ANK1: variants seen among roughly 807,000 people sequenced by gnomAD.
The protein encoded by ANK1 is ankyrin-1.
In ANK1, 51 loss-of-function variants were observed where a neutral mutation model predicts 210.4. The observed-to-expected ratio is 0.24, with a 90% CI of 0.19 to 0.31. ANK1 has a LOEUF of 0.31. Ranked by LOEUF, ANK1 falls within the 10% of genes least tolerant of loss-of-function variation. ANK1 has a pLI of 1.00. For missense variants in ANK1, 2,051 were observed against 2,504.4 expected (o/e 0.82, Z 3.86); for synonymous variants, 967 against 1,025.9 (o/e 0.94, Z 1.10).
At chr8:41,841,360 T>C (rs1241279035) in intron 1 of ANK1, among the ~76,000 whole-genome samples, 1 of 152,092 alleles carries the variant, frequency 6.6e-6, no homozygotes, top group Non-Finnish European at 1.5e-5. Context: ...GAGACTAGAA[T>C]GGTGGTTGCC....
intron 3 of ANK1, among the ~76,000 whole-genome samples, chr8:41,733,455 A>C (rs150005612): frequency 9.6e-4 from 147 of 152,356 alleles, no homozygotes; most frequent in African/African-American, 3.4e-3. Flanking sequence ...CAATAAATGC[A>C]TCCAATAAGT....
intron 39 of ANK1, 130 bp downstream of exon 39, chr8:41,668,137 C>A (rs556936452): frequency 2.2e-6 from 3 of 1,336,936 alleles, no homozygotes; most frequent in Non-Finnish European, 3.2e-6. Context: ...AACGGAAGCA[C>A]CACCACAAGT....
In ANK1 at chr8:41,715,725, G is replaced by A. The variant is rs886662059; in HGVS notation, c.1529C>T (p.Ala510Val). The A allele has an allele frequency of 1.6e-5, 26 of 1,614,122 alleles. No homozygotes were observed. Among genetic ancestry groups the A allele is most frequent in the Middle Eastern group, 3.3e-4 (2 of 6,066 alleles). The stretch of plus-strand genomic sequence containing the variant: ...TGTTTCCACATGGCCCTCACGGGCT[G>A]CAATGTGCAGGGGGGTGTGCCCGGC... ...TTAGHTPLHIAAREGHVETVL... is the reference protein window; with the variant it reads ...TTAGHTPLHIVAREGHVETVL... The change falls in exon 14 of 43, where the codon GCA becomes GTA. Residue 510 changes from alanine (A) to valine (V), a missense_variant. Ala to Val is a moderately conservative substitution (Grantham distance 64). Around this residue, in one of 6 missense-constraint regions of ANK1, gnomAD observed 1,413 missense variants for 1,707.4 expected, o/e 0.83. Coordinates refer to ENST00000289734, the MANE Select transcript of ANK1 (RefSeq NM_000037.4).
intron 1 of ANK1, among the ~76,000 whole-genome samples, chr8:41,809,515 C>T (rs1802147169): frequency 1.3e-5 from 2 of 152,174 alleles, no homozygotes; most frequent in Admixed American, 1.3e-4. Flanking sequence ...GCCTGTCACC[C>T]CAGCTACTTT....
rs113745608 is a variant in ANK1 at position 41,879,884 on chromosome 8, T to G, written c.126+16471A>C. Among the ~76,000 whole-genome samples, 687 of 152,332 alleles carry G rather than the reference T, an allele frequency of 4.5e-3. 9 individuals are homozygous for G. The highest frequency in any genetic ancestry group is 0.015 in the African/African-American group (619 of 41,564). The stretch of plus-strand genomic sequence containing the variant: ...TCTCTCAAAAGATTGTTTAAGGTGT[T>G]AATAATGATTATTCCATGTGTCTGC... On this transcript the variant is annotated intron_variant, in intron 1 of 42. Transcript: ENST00000265709.
In ANK1 at chr8:41,704,053, G is replaced by A. The variant is rs376046501; in HGVS notation, c.2283C>T (p.Asn761=). The A allele has an allele frequency of 2.2e-5, 35 of 1,613,956 alleles. No homozygotes were observed. Among genetic ancestry groups the A allele is most frequent in the African/African-American group, 2.1e-4 (16 of 74,914 alleles). The change falls in exon 20 of 43, where the codon AAC becomes AAT. Residue 761 remains asparagine, a synonymous_variant. Coordinates refer to ENST00000289734, the MANE Select transcript of ANK1 (RefSeq NM_000037.4). This position sits in a 1 kb window ranked among gnomAD's most constrained non-coding sequence, Gnocchi z 4.1. ...AGAGTGTACTCACCGAGCTGACCTCGTTTGGGGAAGCACCGTTTTTCAGAA... is the reference window on the plus strand; with the variant it reads ...AGAGTGTACTCACCGAGCTGACCTCATTTGGGGAAGCACCGTTTTTCAGAA... The part of the protein sequence containing the change: ...TLLLKNGASP[N]EVSSDGTTPL...
At chr8:41,757,320 G>A (rs745676516) in intron 2 of ANK1, among the ~76,000 whole-genome samples, 3 of 152,176 alleles carry the variant, frequency 2.0e-5, no homozygotes, top group Non-Finnish European at 4.4e-5. Flanking sequence ...TTAATTGGCA[G>A]GCAAATATCT....
chr8:41,841,312 T>C (rs988243489), intron 1 of ANK1, among the ~76,000 whole-genome samples: 1 of 152,226 alleles, frequency 6.6e-6, no homozygotes, highest in Non-Finnish European at 1.5e-5. Flanking sequence ...ATGATTCCAC[T>C]TAAACGGGGA....
intron 15 of ANK1, among the ~76,000 whole-genome samples, 173 bp downstream of exon 15, chr8:41,714,803 T>G (rs754921745): frequency 6.6e-6 from 1 of 151,692 alleles, no homozygotes; most frequent in African/African-American, 2.4e-5. Flanking sequence ...AAAATTGTAG[T>G]GAGTTGTGAT....
chr8:41,658,921 A>C (rs1806781784), intron 42 of ANK1, among the ~76,000 whole-genome samples: 1 of 104,506 alleles, frequency 9.6e-6, no homozygotes, highest in African/African-American at 3.9e-5. Flanking sequence ...TAAATAAATA[A>C]ATAAATAAAT....
rs763541700 is a variant in ANK1, at chr8:41,894,809, G to A, written c.126+1546C>T. 2.0e-5 allele frequency among the ~76,000 whole-genome samples: 3 copies of A among 151,840 alleles called. No individual in the cohort carries two copies. In the South Asian group the frequency reaches 6.2e-4, roughly 32 times the overall value. On this transcript the variant is annotated intron_variant, in intron 1 of 42. Transcript: ENST00000265709. ...ACTTCCCCTGCCTGACTCACAAGAC[G>A]GGCTCTGGTATTTTAGACCCCAGCA...
intron 23 of ANK1, among the ~76,000 whole-genome samples, chr8:41,698,804 T>G (rs1469359732): frequency 2.0e-5 from 3 of 151,702 alleles, no homozygotes; most frequent in African/African-American, 7.3e-5. Flanking sequence ...CTCAACAATT[T>G]TTTTTTTTTG....
chr8:41,857,605 G>A (rs1812449620), intron 1 of ANK1, among the ~76,000 whole-genome samples: 1 of 152,070 alleles, frequency 6.6e-6, no homozygotes, highest in African/African-American at 2.4e-5. Flanking sequence ...AGGCATGGTG[G>A]CACATGCCTG....
chr8:41,666,813 T>C (rs1323465044), intron 39 of ANK1, among the ~76,000 whole-genome samples: 1 of 152,190 alleles, frequency 6.6e-6, no homozygotes, highest in East Asian at 1.9e-4. Context: ...GACGTGAGGA[T>C]GTAGGGCTTG....
chr8:41,706,294 A>T, intron 17 of ANK1, 53 bp from the exon 18 acceptor site: 1 of 1,517,340 alleles, frequency 6.6e-7, no homozygotes. Flanking sequence ...ATTCCAGGCC[A>T]CAAGTAAAGA....
intron 1 of ANK1, among the ~76,000 whole-genome samples, chr8:41,866,747 G>A (rs905204109): frequency 2.0e-5 from 3 of 152,162 alleles, no homozygotes; most frequent in Non-Finnish European, 4.4e-5. Context: ...TCAGCACATC[G>A]TCCTCAAGGT....
chr8:41,716,843 G>A (rs1460479154), intron 13 of ANK1, 110 bp downstream of exon 13: 4 of 1,114,980 alleles, frequency 3.6e-6, no homozygotes, highest in Non-Finnish European at 5.5e-6. Context: ...GATGAAAAGT[G>A]ATCCCCAGGC....
chr8:41,723,727 C>A, intron 7 of ANK1, 94 bp from the exon 8 acceptor site: 1 of 1,031,884 alleles, frequency 9.7e-7, no homozygotes, highest in Non-Finnish European at 1.5e-6. Context: ...CCCCCAGTCC[C>A]CAGGCCTGCA....
intron 1 of ANK1, among the ~76,000 whole-genome samples, chr8:41,845,338 A>T (rs1809813978): frequency 6.6e-6 from 1 of 151,898 alleles, no homozygotes; most frequent in Non-Finnish European, 1.5e-5. Flanking sequence ...GTAGTTTGCC[A>T]AGATCACACC....
Sources: allele counts gnomAD v4.1 joint callset (sites outside exome capture counted in the v4.1 genomes callset), GRCh38; gene constraint gnomAD v4.1.1; regional missense constraint gnomAD v4.1.1; non-coding constraint Gnocchi (gnomAD v3.1); transcripts MANE v1.5; gene names NCBI Gene and HGNC (gene_info 2026-07-23, HGNC 2026-07-21).